LRRC4C: variants seen among roughly 807,000 people sequenced by gnomAD.
The protein encoded by LRRC4C is leucine rich repeat containing 4C.
A neutral mutation model predicts 33.6 loss-of-function variants in LRRC4C; 5 were observed. The observed-to-expected ratio is 0.15, with a 90% CI of 0.08 to 0.31. The LOEUF (loss-of-function observed/expected upper bound fraction) is 0.31, where lower values mean the gene tolerates loss of function less well. Among genes scored for constraint, LRRC4C ranks in the 10% least tolerant of loss-of-function variants. The pLI is 1.00. For synonymous variants in LRRC4C, 329 were observed against 302.0 expected, an observed-to-expected ratio of 1.09 and a Z score of -0.93; for missense variants, 560 against 796.7, an observed-to-expected ratio of 0.70 and a Z score of 3.58.
intron 2 of LRRC4C, among the ~76,000 whole-genome samples, chr11:40,733,481 T>G (rs1947709675): frequency 6.6e-6 from 1 of 152,194 alleles, no homozygotes; most frequent in Non-Finnish European, 1.5e-5. Context: ...TGTTAAAAAT[T>G]GATTTGGGAT....
chr11:41,183,270 A>AAACC (rs1323657555), intron 1 of LRRC4C, among the ~76,000 whole-genome samples: 2 of 152,130 alleles, frequency 1.3e-5, no homozygotes, highest in Non-Finnish European at 2.9e-5. Flanking sequence ...TATTAACTGA[A>AAACC]AAGTCCACAG....
intron 4 of LRRC4C, among the ~76,000 whole-genome samples, chr11:40,277,715 G>A (rs1943212872): frequency 6.6e-6 from 1 of 152,140 alleles, no homozygotes; most frequent in Non-Finnish European, 1.5e-5. Context: ...GCTTATTTGA[G>A]CTTCCCTTTC....
At chr11:41,148,916 C>T (rs1400034776) in intron 1 of LRRC4C, among the ~76,000 whole-genome samples, 2 of 152,146 alleles carry the variant, frequency 1.3e-5, no homozygotes, top group African/African-American at 4.8e-5. Context: ...GTTACCGAAT[C>T]ATAGCACCAG....
rs536655635 is a variant in LRRC4C, at chr11:40,122,291, C to T, written c.-42-5957G>A. 1.9e-4 allele frequency among the ~76,000 whole-genome samples: 29 copies of T among 152,074 alleles called. No homozygotes were observed. In the East Asian group the frequency reaches 5.2e-3, roughly 27 times the overall value. ...TAAGTTCCTGGATACATGTGCAGGACGTGCAGGTTTGTTACATAGGTTAAA... is the reference window on the plus strand; with the variant it reads ...TAAGTTCCTGGATACATGTGCAGGATGTGCAGGTTTGTTACATAGGTTAAA... On this transcript the variant is annotated intron_variant, in intron 6 of 6. Coordinates refer to ENST00000528697, the MANE Select transcript of LRRC4C (RefSeq NM_001258419.2).
At chr11:40,476,561 G>C (rs1953245434) in intron 3 of LRRC4C, among the ~76,000 whole-genome samples, 1 of 151,752 alleles carries the variant, frequency 6.6e-6, no homozygotes, top group South Asian at 2.1e-4. Context: ...GGCCAGGCTG[G>C]TCTCAAACTC....
At chr11:40,817,873 A>G (rs915378297) in intron 2 of LRRC4C, among the ~76,000 whole-genome samples, 10 of 152,034 alleles carry the variant, frequency 6.6e-5, no homozygotes, top group Admixed American at 1.3e-4. Context: ...CTATACTTCT[A>G]TGCTTTTCTA....
intron 2 of LRRC4C, among the ~76,000 whole-genome samples, chr11:40,693,253 G>T (rs1285963816): frequency 1.3e-5 from 2 of 152,104 alleles, no homozygotes; most frequent in Non-Finnish European, 2.9e-5. Flanking sequence ...AAATAAAATT[G>T]AGTGTCTGAC....
At chr11:40,484,505 G>T (rs1953754326) in intron 3 of LRRC4C, among the ~76,000 whole-genome samples, 1 of 151,920 alleles carries the variant, frequency 6.6e-6, no homozygotes, top group Non-Finnish European at 1.5e-5. Context: ...TGGAAATAAG[G>T]ATACGTTAGG....
intron 3 of LRRC4C, among the ~76,000 whole-genome samples, chr11:40,633,396 T>TTTCC (rs1565581281): frequency 1.2e-5 from 1 of 86,754 alleles, no homozygotes; most frequent in Non-Finnish European, 2.3e-5. Flanking sequence ...TCTTTCTTTC[T>TTTCC]TTTTTTTTTT....
At chr11:40,907,994 A>G (rs1956497800) in intron 2 of LRRC4C, among the ~76,000 whole-genome samples, 1 of 152,164 alleles carries the variant, frequency 6.6e-6, no homozygotes, top group Non-Finnish European at 1.5e-5. Flanking sequence ...TGAAATATGA[A>G]ACATAGGTAT....
intron 2 of LRRC4C, among the ~76,000 whole-genome samples, chr11:40,708,276 G>C (rs1275862171): frequency 6.6e-6 from 1 of 151,744 alleles, no homozygotes; most frequent in Non-Finnish European, 1.5e-5. Context: ...GTTTGCTCTT[G>C]CTTCTCTAGT....
chr11:40,657,763 G>A (rs923658446), intron 2 of LRRC4C, among the ~76,000 whole-genome samples: 2 of 152,154 alleles, frequency 1.3e-5, no homozygotes, highest in Non-Finnish European at 2.9e-5. Context: ...CATGTTGTCA[G>A]GACTCCCTGA....
At chr11:40,286,714 TC>T (rs1565231815) in intron 4 of LRRC4C, among the ~76,000 whole-genome samples, 1 of 152,120 alleles carries the variant, frequency 6.6e-6, no homozygotes, top group Non-Finnish European at 1.5e-5. Flanking sequence ...ATTTTATTGC[TC>T]CCAAAATAAC....
At chr11:40,477,803 C>T (rs1039031527) in intron 3 of LRRC4C, among the ~76,000 whole-genome samples, 3 of 152,112 alleles carry the variant, frequency 2.0e-5, no homozygotes, top group African/African-American at 7.2e-5. Context: ...TGGTTTGACA[C>T]TTACTGTGTG....
chr11:40,523,478 C>T (rs974856134), intron 3 of LRRC4C, among the ~76,000 whole-genome samples: 8 of 150,568 alleles, frequency 5.3e-5, no homozygotes, highest in African/African-American at 9.7e-5. Flanking sequence ...TGCAGTCTTA[C>T]TGATTTCTAT....
At chr11:40,591,145 G>C (rs1035834838) in intron 3 of LRRC4C, among the ~76,000 whole-genome samples, 2 of 152,116 alleles carry the variant, frequency 1.3e-5, no homozygotes, top group South Asian at 2.1e-4. Flanking sequence ...GTGGGCATAC[G>C]ACCCTCCGAG....
chr11:41,117,393 A>T (rs969454113), intron 1 of LRRC4C, among the ~76,000 whole-genome samples: 3 of 152,202 alleles, frequency 2.0e-5, no homozygotes, highest in Non-Finnish European at 2.9e-5. Flanking sequence ...AAGCTTTCAA[A>T]TATCAGTGAT....
chr11:40,364,060 A>G (rs1301469929), intron 3 of LRRC4C, among the ~76,000 whole-genome samples: 1 of 152,174 alleles, frequency 6.6e-6, no homozygotes, highest in Non-Finnish European at 1.5e-5. Flanking sequence ...AAGCTTCAAG[A>G]AAATAAAATA....
intron 1 of LRRC4C, among the ~76,000 whole-genome samples, chr11:41,218,979 G>C (rs931236438): frequency 6.6e-6 from 1 of 151,824 alleles, no homozygotes; most frequent in Non-Finnish European, 1.5e-5. Context: ...CACTGTGTTA[G>C]CCAGGATGGT....
Sources: gnomAD v4.1 joint callset for allele counts (sites outside exome capture counted in the v4.1 genomes callset) on GRCh38, gnomAD v4.1.1 for gene constraint, MANE v1.5 for transcripts, NCBI Gene and HGNC (gene_info 2026-07-23, HGNC 2026-07-21) for gene names.